GALNT7: variants seen among roughly 807,000 people sequenced by gnomAD.
GALNT7 encodes polypeptide N-acetylgalactosaminyltransferase 7, also known as N-acetylgalactosaminyltransferase 7.
A neutral mutation model predicts 82.1 loss-of-function variants in GALNT7; 60 were observed. That is an observed-to-expected ratio of 0.73 (90% CI 0.59 to 0.91). The LOEUF (loss-of-function observed/expected upper bound fraction) is 0.91, where lower values mean the gene tolerates loss of function less well. GALNT7 is among the 40% of genes least tolerant of loss of function. GALNT7 has a pLI of 0.00. For synonymous variants in GALNT7, 243 were observed against 275.1 expected, an observed-to-expected ratio of 0.88 and a Z score of 1.15; for missense variants, 660 against 804.2, an observed-to-expected ratio of 0.82 and a Z score of 2.17.
At chr4:173,248,658 G>A (rs890351818) in intron 2 of GALNT7, among the ~76,000 whole-genome samples, 1 of 152,100 alleles carries the variant, frequency 6.6e-6, no homozygotes, top group South Asian at 2.1e-4. Context: ...GGCCCTCTAC[G>A]TCAGTGCTAT....
chr4:173,286,857 C>G (rs1292113286), intron 2 of GALNT7, among the ~76,000 whole-genome samples: 1 of 152,192 alleles, frequency 6.6e-6, no homozygotes, highest in Non-Finnish European at 1.5e-5. Context: ...GCTCTAGTCC[C>G]TTCTGATAAG....
At chr4:173,301,007 C>T (rs149091065) in intron 6 of GALNT7, among the ~76,000 whole-genome samples, 43 of 151,930 alleles carry the variant, frequency 2.8e-4, no homozygotes, top group African/African-American at 1.0e-3. Context: ...TGTTGGTGTG[C>T]GCTTGTAGTC....
chr4:173,245,347 C>T (rs1734588132), intron 1 of GALNT7, among the ~76,000 whole-genome samples: 1 of 151,988 alleles, frequency 6.6e-6, no homozygotes, highest in Non-Finnish European at 1.5e-5. Context: ...CATAGGTCAA[C>T]CTAAACTATG....
At chr4:173,240,345 G>A (rs973650588) in intron 1 of GALNT7, among the ~76,000 whole-genome samples, 4 of 149,384 alleles carry the variant, frequency 2.7e-5, no homozygotes, top group African/African-American at 9.9e-5. Flanking sequence ...AATGGAAAGT[G>A]GACACTGGCT....
chr4:173,174,495 T>C (rs1024601867), intron 1 of GALNT7, among the ~76,000 whole-genome samples: 6 of 152,254 alleles, frequency 3.9e-5, no homozygotes, highest in African/African-American at 1.4e-4. Flanking sequence ...TCTGAACATT[T>C]CGGAAATGTT....
At chr4:173,201,908 C>CT (rs1431888213) in intron 1 of GALNT7, among the ~76,000 whole-genome samples, 1 of 152,110 alleles carries the variant, frequency 6.6e-6, no homozygotes, top group African/African-American at 2.4e-5. Flanking sequence ...AGTGACAAGT[C>CT]TTTTTGTCAA....
At chr4:173,173,457 T>C (rs1731942185) in intron 1 of GALNT7, among the ~76,000 whole-genome samples, 1 of 152,168 alleles carries the variant, frequency 6.6e-6, no homozygotes, top group Non-Finnish European at 1.5e-5. Context: ...TGTTGACAGA[T>C]CCATTAAAAC....
chr4:173,201,776 CG>C (rs1455338024), intron 1 of GALNT7, among the ~76,000 whole-genome samples: 1 of 152,186 alleles, frequency 6.6e-6, no homozygotes, highest in African/African-American at 2.4e-5. Flanking sequence ...AATAATGCAT[CG>C]GCCAGGTTGC....
intron 10 of GALNT7, among the ~76,000 whole-genome samples, 166 bp from the exon 11 acceptor site, chr4:173,318,265 C>T (rs549550436): frequency 6.6e-6 from 1 of 152,226 alleles, no homozygotes; most frequent in South Asian, 2.1e-4. Flanking sequence ...TCTTCACTAA[C>T]ATCAAAATAA....
intron 9 of GALNT7, chr4:173,315,838 A>C (rs1260726732): frequency 6.6e-6 from 1 of 152,128 alleles, no homozygotes; most frequent in African/African-American, 2.4e-5. Flanking sequence ...CCTAAATTGA[A>C]CTTCCTATCT....
At chr4:173,222,237 A>G (rs770417557) in intron 1 of GALNT7, among the ~76,000 whole-genome samples, 2 of 152,064 alleles carry the variant, frequency 1.3e-5, no homozygotes, top group Admixed American at 1.3e-4. Context: ...TATGCTTGGT[A>G]TTGGTTTGTT....
intron 2 of GALNT7, among the ~76,000 whole-genome samples, chr4:173,289,560 A>G (rs2126824723): frequency 6.6e-6 from 1 of 152,340 alleles, no homozygotes; most frequent in South Asian, 2.1e-4. Flanking sequence ...TGTCTGTGCA[A>G]TTCCCCTTAT....
chr4:173,179,909 A>C (rs1173394531), intron 1 of GALNT7, among the ~76,000 whole-genome samples: 1 of 152,224 alleles, frequency 6.6e-6, no homozygotes, highest in African/African-American at 2.4e-5. Flanking sequence ...CTGTACTTCA[A>C]ATTTTTTATT....
rs1278794455 is a variant in GALNT7, at chr4:173,318,296, T to TA, written c.1708-134dup. ...AATAAATATAATTTGTCTGTGGACTTACAGTTCTAAACAAAATTATGGAAA... is the reference window on the plus strand; with the variant it reads ...AATAAATATAATTTGTCTGTGGACTTAACAGTTCTAAACAAAATTATGGAAA... On this transcript the variant is annotated intron_variant, in intron 10 of 11. Coordinates refer to ENST00000265000, the MANE Select transcript of GALNT7 (RefSeq NM_017423.3). 4 of 632,028 alleles carry TA rather than the reference T, an allele frequency of 6.3e-6. No homozygotes were observed. In the East Asian group the frequency reaches 1.2e-4, roughly 19 times the overall value. 39.2% of individuals were successfully genotyped at this position (632,028 alleles called of 1,614,324 possible). A position where few individuals can be genotyped will look rare whatever the true frequency, so the allele number is the denominator to read the frequency against.
chr4:173,261,272 T>TG (rs1735247738), intron 2 of GALNT7, among the ~76,000 whole-genome samples: 1 of 152,268 alleles, frequency 6.6e-6, no homozygotes, highest in Admixed American at 6.5e-5. Context: ...CCCTAGGCTA[T>TG]GTAGACACAG....
At chr4:173,274,219 CTGAG>C (rs1419638222) in intron 2 of GALNT7, among the ~76,000 whole-genome samples, 3 of 152,072 alleles carry the variant, frequency 2.0e-5, no homozygotes, top group Non-Finnish European at 4.4e-5. Flanking sequence ...ATACATCTGT[CTGAG>C]TATGTTTTCC....
intron 1 of GALNT7, among the ~76,000 whole-genome samples, chr4:173,203,545 T>C (rs769849667): frequency 2.6e-5 from 4 of 152,248 alleles, no homozygotes; most frequent in Non-Finnish European, 4.4e-5. Context: ...ATTCTGCTCT[T>C]CTCTCTTGCT....
chr4:173,239,798 G>A (rs142875397), intron 1 of GALNT7, among the ~76,000 whole-genome samples: 449 of 152,126 alleles, frequency 3.0e-3, no homozygotes, highest in Non-Finnish European at 5.6e-3. Flanking sequence ...TTTTTATTTT[G>A]TAATTTACCA....
chr4:173,213,522 A>T (rs370514661), intron 1 of GALNT7, among the ~76,000 whole-genome samples: 1 of 152,148 alleles, frequency 6.6e-6, no homozygotes, highest in Non-Finnish European at 1.5e-5. Context: ...GTTTAATACA[A>T]TTGAGCTGTG....
Sources: allele counts gnomAD v4.1 joint callset (sites outside exome capture counted in the v4.1 genomes callset), GRCh38; gene constraint gnomAD v4.1.1; transcripts MANE v1.5; gene names NCBI Gene and HGNC (gene_info 2026-07-23, HGNC 2026-07-21).